IP6K2: variants seen among roughly 807,000 people sequenced by gnomAD.
IP6K2 encodes the protein ATP:1D-myo-inositol-hexakisphosphate phosphotransferase.
In IP6K2, 9 loss-of-function variants were observed where a neutral mutation model predicts 43.3. That is an observed-to-expected ratio of 0.21 (90% CI 0.13 to 0.36). The LOEUF is 0.36. IP6K2 is among the 10% of genes least tolerant of loss of function. The probability of loss-of-function intolerance (pLI) is 1.00; values close to 1 mark genes in which losing one functional copy is unlikely to be tolerated. For synonymous variants in IP6K2, 209 were observed against 202.4 expected (o/e 1.03, Z -0.28); for missense variants, 332 against 538.4 (o/e 0.62, Z 3.79).
At chr3:48,693,493 T>C in intron 2 of IP6K2, 1 of 1,288,338 alleles carries the variant, frequency 7.8e-7, no homozygotes, top group African/African-American at 1.5e-5. Flanking sequence ...GTAATTCTTC[T>C]AATCCTAAAA....
intron 3 of IP6K2, 55 bp from the exon 4 acceptor site, chr3:48,691,537 C>T (rs1349840771): frequency 1.3e-5 from 18 of 1,368,962 alleles, no homozygotes; most frequent in South Asian, 6.5e-5. Context: ...TTCAGAAGGC[C>T]GGGCATGGTG....
chr3:48,693,388 C>G, intron 2 of IP6K2: 1 of 1,193,028 alleles, frequency 8.4e-7, no homozygotes, highest in Non-Finnish European at 1.2e-6. Flanking sequence ...GCAAACATGG[C>G]TGAGAGTCTT....
rs1005944578 is a variant in IP6K2, at chr3:48,694,641, A to T, written c.202+449T>A. The T allele has an allele frequency of 5.3e-6, 8 of 1,513,922 alleles. No homozygotes were observed. The African/African-American group carries it at 8.5e-5, about 16-fold the overall frequency. 93.8% of individuals were successfully genotyped at this position (1,513,922 alleles called of 1,614,324 possible). The stretch of plus-strand genomic sequence containing the variant: ...CAGCAAAGGGCTTGGGCTAATCAGC[A>T]CAGGCCTCCCACTCCTGCATTCCAT... On this transcript the variant is annotated intron_variant, in intron 2 of 5. Transcript: ENST00000328631.
intron 1 of IP6K2, among the ~76,000 whole-genome samples, chr3:48,698,627 C>T (rs1338318214): frequency 1.3e-5 from 2 of 152,176 alleles, no homozygotes; most frequent in Non-Finnish European, 2.9e-5. Flanking sequence ...CACGCCACCA[C>T]GCCTGGCTAA....
chr3:48,716,987 G>A (rs866632081), intron 1 of IP6K2, 170 bp downstream of exon 1: 1 of 152,896 alleles, frequency 6.5e-6, no homozygotes, highest in African/African-American at 2.4e-5. Context: ...ATGACCCAGG[G>A]AAATCGAATC....
chr3:48,704,933 C>T (rs1038951129), intron 1 of IP6K2, among the ~76,000 whole-genome samples: 5 of 151,660 alleles, frequency 3.3e-5, no homozygotes, highest in African/African-American at 9.7e-5. Flanking sequence ...CCACTGTGCC[C>T]GGCTAATTTT....
chr3:48,713,716 G>T (rs1312553813), intron 1 of IP6K2, among the ~76,000 whole-genome samples: 3 of 151,020 alleles, frequency 2.0e-5, no homozygotes, highest in African/African-American at 7.3e-5. Flanking sequence ...CCAGCTACTC[G>T]GGAGGCTGAG....
intron 1 of IP6K2, among the ~76,000 whole-genome samples, chr3:48,696,908 G>A (rs1214229106): frequency 6.6e-6 from 1 of 152,136 alleles, no homozygotes; most frequent in Non-Finnish European, 1.5e-5. Flanking sequence ...GGTGATTAGA[G>A]ATGGTTAGGA....
chr3:48,697,577 G>C (rs2078538017), intron 1 of IP6K2, among the ~76,000 whole-genome samples: 2 of 148,994 alleles, frequency 1.3e-5, no homozygotes, highest in African/African-American at 2.5e-5. Context: ...CTAACCTCAG[G>C]TGATCTGCTC....
chr3:48,717,037 A>C (rs1035719089), intron 1 of IP6K2, 120 bp downstream of exon 1: 8 of 154,526 alleles, frequency 5.2e-5, no homozygotes, highest in African/African-American at 1.9e-4. Context: ...ATGACCACGG[A>C]AGAAGTCTTT....
chr3:48,701,671 G>T (rs1394907436), intron 1 of IP6K2, among the ~76,000 whole-genome samples: 1 of 151,314 alleles, frequency 6.6e-6, no homozygotes, highest in Non-Finnish European at 1.5e-5. Flanking sequence ...GCCGAGGCAG[G>T]TGATCACTTG....
rs754220862 is a variant in IP6K2 at position 48,693,085 on chromosome 3, T to C, written c.297A>G (p.Val99=). 6.2e-7 allele frequency: 1 copy of C among 1,614,036 alleles called. No homozygotes were observed. The highest frequency in any genetic ancestry group is 8.5e-7 in the Non-Finnish European group (1 of 1,179,820). Residue 99 remains valine (V), a synonymous_variant, in exon 3 of 6, where the codon GTA becomes GTG. Transcript: ENST00000328631. The part of the protein sequence containing the change: ...LKGDHGIVDI[V]DNSDCEPKSK... Reference sequence around the variant, plus strand: ...TTTTTGGTTCACAGTCTGAATTATCTACAATGTCCACAATTCCATGGTCCC... The same window carrying C: ...TTTTTGGTTCACAGTCTGAATTATCCACAATGTCCACAATTCCATGGTCCC...
chr3:48,706,041 A>C (rs2079722108), intron 1 of IP6K2, among the ~76,000 whole-genome samples: 1 of 108,464 alleles, frequency 9.2e-6, no homozygotes, highest in Non-Finnish European at 2.0e-5. Context: ...CCCTGTCTCT[A>C]CTAAAAATAC....
chr3:48,694,358 G>A, intron 2 of IP6K2: 1 of 1,545,742 alleles, frequency 6.5e-7, no homozygotes, highest in South Asian at 1.2e-5. Context: ...TGTCCTTAAA[G>A]ACAATGTTTC....
intron 1 of IP6K2, among the ~76,000 whole-genome samples, chr3:48,696,846 T>A (rs139366297): frequency 1.3e-5 from 2 of 152,200 alleles, no homozygotes; most frequent in Non-Finnish European, 2.9e-5. Flanking sequence ...TGTCATTTGG[T>A]CCTGACACTT....
intron 1 of IP6K2, among the ~76,000 whole-genome samples, chr3:48,704,686 T>G (rs2079491280): frequency 6.6e-6 from 1 of 152,122 alleles, no homozygotes; most frequent in African/African-American, 2.4e-5. Flanking sequence ...TTGCTCAGGC[T>G]GGTCTTGAAC....
In IP6K2 at chr3:48,693,050, A is replaced by G; in HGVS notation, c.332T>C (p.Leu111Pro). ...NSDCEPKSKL[L>P]RWTTNKKHHV... is the part of the protein sequence containing the mutation. ...ATGTTTTTTGTTTGTTGTCCACCTT[A>G]GGAGCTTACTTTTTGGTTCACAGTC... The change falls in exon 3 of 6, where the codon CTA becomes CCA. Residue 111 changes from leucine to proline, a missense_variant. Transcript: ENST00000328631. 1 of 1,614,204 alleles carries G rather than the reference A, an allele frequency of 6.2e-7. No individual in the cohort carries two copies. Among genetic ancestry groups the G allele is most frequent in the Admixed American group, 1.7e-5 (1 of 60,032 alleles).
At position 48,699,765 on chromosome 3, in the gene IP6K2, C is replaced by T. The variant is rs535419797; in HGVS notation, c.-130-4344G>A. The T allele has an allele frequency of 2.0e-5, 3 of 152,308 alleles. 1 individual carries two copies. The South Asian group carries it at 6.2e-4, about 32-fold the overall frequency. The allele number at this position is 152,308 out of a possible 1,614,324, so 9.4% of individuals were successfully genotyped here. On this transcript the variant is annotated intron_variant, in intron 1 of 5. Transcript: ENST00000328631. ...GTGGAGAAAGACTCCAAGTCCATGGCTCCCTTTGGGTTCGTTTTACGGTCT... is the reference window on the plus strand; with the variant it reads ...GTGGAGAAAGACTCCAAGTCCATGGTTCCCTTTGGGTTCGTTTTACGGTCT...
intron 2 of IP6K2, chr3:48,693,389 T>C (rs751630687): frequency 3.3e-6 from 4 of 1,195,194 alleles, no homozygotes; most frequent in Non-Finnish European, 4.9e-6. Flanking sequence ...CAAACATGGC[T>C]GAGAGTCTTC....
Sources: gnomAD v4.1 joint callset for allele counts (sites outside exome capture counted in the v4.1 genomes callset) on GRCh38, gnomAD v4.1.1 for gene constraint, MANE v1.5 for transcripts, NCBI Gene and HGNC (gene_info 2026-07-23, HGNC 2026-07-21) for gene names.